Variants in NRG3 observed in about 807,000 individuals in gnomAD.
The protein encoded by NRG3 is neuregulin 3.
In NRG3, 31 loss-of-function variants were observed where a neutral mutation model predicts 66.9. The ratio of observed to expected loss-of-function variants is 0.46; its 90% confidence interval spans 0.35 to 0.63. The LOEUF (loss-of-function observed/expected upper bound fraction) is 0.63. Ranked by LOEUF, NRG3 falls within the 20% of genes least tolerant of loss-of-function variation. The pLI is 0.00. For synonymous variants in NRG3, 393 were observed against 359.4 expected, an observed-to-expected ratio of 1.09 and a Z score of -1.06; for missense variants, 910 against 878.9, an observed-to-expected ratio of 1.04 and a Z score of -0.45.
At chr10:82,707,096 T>G (rs76951187) in intron 2 of NRG3, among the ~76,000 whole-genome samples, 4,194 of 149,630 alleles carry the variant, frequency 0.028, 194 homozygotes, top group African/African-American at 0.097. Flanking sequence ...AAATGAATAC[T>G]TTTGTACTCA....
chr10:82,900,286 G>A (rs1844087955), intron 4 of NRG3, among the ~76,000 whole-genome samples: 1 of 151,912 alleles, frequency 6.6e-6, no homozygotes, highest in East Asian at 1.9e-4. Flanking sequence ...ATTTGGGTGG[G>A]GACACGCATC....
At chr10:82,891,031 CA>C (rs1352961875) in intron 4 of NRG3, among the ~76,000 whole-genome samples, 1 of 151,954 alleles carries the variant, frequency 6.6e-6, no homozygotes, top group Non-Finnish European at 1.5e-5. Context: ...TGTAGCTTTA[CA>C]ATAAGTTTGT....
chr10:82,026,153 C>T (rs919376907), intron 1 of NRG3, among the ~76,000 whole-genome samples: 2 of 151,888 alleles, frequency 1.3e-5, no homozygotes, highest in Non-Finnish European at 2.9e-5. Flanking sequence ...GAAAAGACCC[C>T]ATAACAATAC....
chr10:82,736,541 A>G (rs999370912), intron 2 of NRG3, among the ~76,000 whole-genome samples: 1 of 152,194 alleles, frequency 6.6e-6, no homozygotes, highest in Non-Finnish European at 1.5e-5. Flanking sequence ...CAACATCATC[A>G]CACTTTATTA....
chr10:82,308,603 A>T (rs2080868195), intron 1 of NRG3, among the ~76,000 whole-genome samples: 1 of 152,176 alleles, frequency 6.6e-6, no homozygotes, highest in Non-Finnish European at 1.5e-5. Context: ...CAGAAAAATT[A>T]TAGGGAAAAA....
intron 1 of NRG3, among the ~76,000 whole-genome samples, chr10:82,138,921 AGCTT>A (rs2069567837): frequency 1.3e-5 from 2 of 152,032 alleles, no homozygotes; most frequent in African/African-American, 4.8e-5. Context: ...GTGCTCACCC[AGCTT>A]GAGGGAGGGT....
intron 2 of NRG3, among the ~76,000 whole-genome samples, chr10:82,704,233 CA>C (rs1475458734): frequency 6.6e-6 from 1 of 151,992 alleles, no homozygotes; most frequent in African/African-American, 2.4e-5. Context: ...CCACCAACCA[CA>C]ACACACACAC....
intron 1 of NRG3, among the ~76,000 whole-genome samples, chr10:82,143,101 G>C (rs956207957): frequency 6.6e-6 from 1 of 151,772 alleles, no homozygotes. Flanking sequence ...CAAAGACCAA[G>C]AGGCTCCCCA....
intron 2 of NRG3, among the ~76,000 whole-genome samples, chr10:82,488,490 C>T (rs1022007854): frequency 6.6e-6 from 1 of 152,172 alleles, no homozygotes; most frequent in Non-Finnish European, 1.5e-5. Context: ...TATCACACAG[C>T]TCTCATAAAA....
chr10:82,602,323 T>A (rs2047687976), intron 2 of NRG3, among the ~76,000 whole-genome samples: 1 of 152,118 alleles, frequency 6.6e-6, no homozygotes, highest in African/African-American at 2.4e-5. Context: ...TGTTTAATAT[T>A]CTTACTGGAG....
At chr10:81,988,926 G>T (rs561118271) in intron 1 of NRG3, among the ~76,000 whole-genome samples, 17 of 151,962 alleles carry the variant, frequency 1.1e-4, no homozygotes, top group Admixed American at 5.9e-4. Context: ...ATAAGGAAAG[G>T]CTGGGTAGAA....
chr10:82,300,349 C>A (rs2080324549), intron 1 of NRG3, among the ~76,000 whole-genome samples: 1 of 152,088 alleles, frequency 6.6e-6, no homozygotes, highest in South Asian at 2.1e-4. Context: ...GTTTCTTATA[C>A]CATTCCTTTT....
chr10:81,898,905 G>A (rs761222541), intron 1 of NRG3, among the ~76,000 whole-genome samples: 2 of 151,932 alleles, frequency 1.3e-5, no homozygotes, highest in Non-Finnish European at 2.9e-5. Flanking sequence ...AACAAACATT[G>A]GTAATAAATA....
chr10:82,942,070 A>G (rs904343636), intron 4 of NRG3, among the ~76,000 whole-genome samples: 2 of 151,914 alleles, frequency 1.3e-5, no homozygotes, highest in East Asian at 1.9e-4. Flanking sequence ...TATGGACATC[A>G]TAGTTGAGCT....
At chr10:82,612,617 A>G (rs368827849) in intron 2 of NRG3, among the ~76,000 whole-genome samples, 6 of 152,308 alleles carry the variant, frequency 3.9e-5, no homozygotes, top group African/African-American at 1.4e-4. Flanking sequence ...TGTGCAGTTT[A>G]AAATGAATGT....
At chr10:82,957,893 C>CGT (rs10547101) in intron 5 of NRG3, among the ~76,000 whole-genome samples, 22,903 of 149,274 alleles carry the variant, frequency 0.15, 1,888 homozygotes, top group Non-Finnish European at 0.19. Context: ...AAGAGGTGTG[C>CGT]GTGTGTGTGT....
chr10:82,830,326 G>C (rs1591652692), intron 3 of NRG3, among the ~76,000 whole-genome samples: 1 of 152,126 alleles, frequency 6.6e-6, no homozygotes, highest in East Asian at 1.9e-4. Context: ...CAATCGCTAG[G>C]TCTAAGATAT....
At chr10:82,345,035 T>C (rs2135430074) in intron 1 of NRG3, among the ~76,000 whole-genome samples, 1 of 117,948 alleles carries the variant, frequency 8.5e-6, no homozygotes, top group South Asian at 2.3e-4. Flanking sequence ...CTGATGGTAG[T>C]TTCTTTTGCT....
intron 4 of NRG3, among the ~76,000 whole-genome samples, chr10:82,901,597 G>A (rs1465783219): frequency 6.6e-6 from 1 of 152,134 alleles, no homozygotes; most frequent in African/African-American, 2.4e-5. Context: ...AAGAATAATG[G>A]GACTTTTAGT....
Sources: gnomAD v4.1 joint callset for allele counts (sites outside exome capture counted in the v4.1 genomes callset) on GRCh38, gnomAD v4.1.1 for gene constraint, MANE v1.5 for transcripts, NCBI Gene and HGNC (gene_info 2026-07-23, HGNC 2026-07-21) for gene names.